The following PTPN12 variants were observed in gnomAD, a reference collection of about 807,000 sequenced individuals.
PTPN12 encodes protein tyrosine phosphatase non-receptor type 12.
PTPN12 carries 29 observed loss-of-function variants against 97.6 expected under a neutral mutation model. The observed-to-expected ratio is 0.30, with a 90% confidence interval of 0.22 to 0.41. PTPN12 has a LOEUF of 0.41. Ranked by LOEUF, PTPN12 falls within the 10% of genes least tolerant of loss-of-function variation. The pLI is 1.00. For missense variants in PTPN12, 819 were observed against 926.0 expected (o/e 0.88, Z 1.50); for synonymous variants, 327 against 300.4 (o/e 1.09, Z -0.91).
intron 4 of PTPN12, among the ~76,000 whole-genome samples, chr7:77,584,893 A>G (rs888618920): frequency 6.6e-6 from 1 of 151,910 alleles, no homozygotes; most frequent in Non-Finnish European, 1.5e-5. Context: ...AAAAAAAAAA[A>G]TTTATTGTGT....
chr7:77,619,511 G>T (rs1165021949), intron 12 of PTPN12, among the ~76,000 whole-genome samples: 1 of 152,172 alleles, frequency 6.6e-6, no homozygotes, highest in African/African-American at 2.4e-5. Flanking sequence ...TTTTGACCAT[G>T]CAAGATTCTA....
At chr7:77,602,044 C>T (rs1013578510) in intron 8 of PTPN12, among the ~76,000 whole-genome samples, 4 of 151,992 alleles carry the variant, frequency 2.6e-5, no homozygotes, top group Admixed American at 2.6e-4. Context: ...TTCATTTATT[C>T]AAATAATATT....
chr7:77,629,371 T>A (rs1385628669), intron 13 of PTPN12, among the ~76,000 whole-genome samples: 2 of 152,236 alleles, frequency 1.3e-5, no homozygotes, highest in Non-Finnish European at 2.9e-5. Context: ...CAGTTTACCA[T>A]AATTTTAAAT....
chr7:77,627,421 T>G lies in PTPN12; in HGVS notation c.1742T>G (p.Leu581Arg), dbSNP rs1165808849. The G allele has an allele frequency of 6.2e-7, 1 of 1,614,002 alleles. No homozygotes were observed. The highest frequency in any genetic ancestry group is 8.5e-7 in the Non-Finnish European group (1 of 1,179,994). The change falls in exon 13 of 18, where the codon CTT becomes CGT. Residue 581 changes from leucine (L) to arginine (R), a missense_variant. Coordinates refer to ENST00000248594, the MANE Select transcript of PTPN12 (RefSeq NM_002835.4). ...ACAACACAAGTTGAAACACCTGATC[T>G]TGTGGATCATGATAACACTTCACCA... ...SPTTQVETPD[L>R]VDHDNTSPLF... is the part of the protein sequence containing the mutation.
chr7:77,624,565 G>A (rs1385665130), intron 12 of PTPN12, among the ~76,000 whole-genome samples: 1 of 151,886 alleles, frequency 6.6e-6, no homozygotes, highest in African/African-American at 2.4e-5. Context: ...TCAGCTTCCT[G>A]AGTAGCTGGG....
At chr7:77,600,945 T>C in intron 8 of PTPN12, 139 bp downstream of exon 8, 1 of 703,354 alleles carries the variant, frequency 1.4e-6, no homozygotes, top group Non-Finnish European at 2.3e-6. Flanking sequence ...GCCTTGTAAG[T>C]TGATGTGGTC....
chr7:77,608,214 G>A (rs1333406253), intron 9 of PTPN12, among the ~76,000 whole-genome samples: 2 of 152,182 alleles, frequency 1.3e-5, no homozygotes, highest in Non-Finnish European at 2.9e-5. Flanking sequence ...TGGGATCTTG[G>A]TCAAAATACT....
Position 77,638,745 on chromosome 7 carries a change from T to G in PTPN12, c.2281+14T>G. The G allele has an allele frequency of 6.3e-7, 1 of 1,589,962 alleles. No individual in the cohort carries two copies. Among genetic ancestry groups the G allele is most frequent in the Non-Finnish European group, 8.5e-7 (1 of 1,172,772 alleles). On this transcript the variant is annotated intron_variant, in intron 17 of 17. Coordinates refer to ENST00000248594, the MANE Select transcript of PTPN12 (RefSeq NM_002835.4). ...CCACAGATATTGGTAATTTGTTTAA[T>G]AAATAATTTTTAGTAAGTAGTTAAC...
intron 6 of PTPN12, among the ~76,000 whole-genome samples, chr7:77,594,357 A>G (rs906002424): frequency 1.1e-4 from 17 of 152,140 alleles, no homozygotes; most frequent in Non-Finnish European, 2.4e-4. Context: ...ATAATACCCA[A>G]TACACACCAC....
chr7:77,575,372 C>T lies in PTPN12; in HGVS notation c.208+4186C>T, dbSNP rs1418573138. 7.2e-5 allele frequency among the ~76,000 whole-genome samples: 11 copies of T among 151,964 alleles called. No individual in the cohort carries two copies. The South Asian group carries it at 8.3e-4, about 11-fold the overall frequency. On this transcript the variant is annotated intron_variant, in intron 2 of 17. Transcript: ENST00000248594. ...ACACATACTCTCTCTTTCTCTCTCT[C>T]GTGTGTACACTTGTGGTCCCAGCTA...
chr7:77,557,129 T>C (rs560016231), intron 1 of PTPN12, among the ~76,000 whole-genome samples: 34 of 152,142 alleles, frequency 2.2e-4, no homozygotes, highest in African/African-American at 4.8e-4. Context: ...ACCACACTTA[T>C]CTATTTTTAA....
At chr7:77,611,103 TA>T in intron 11 of PTPN12, 57 bp downstream of exon 11, 1 of 1,347,460 alleles carries the variant, frequency 7.4e-7, no homozygotes, top group Admixed American at 2.0e-5. Flanking sequence ...TAAGATGTAA[TA>T]TTTAGCCTTT....
intron 1 of PTPN12, among the ~76,000 whole-genome samples, chr7:77,551,936 C>A (rs902136832): frequency 1.3e-4 from 20 of 152,092 alleles, no homozygotes; most frequent in Non-Finnish European, 2.4e-4. Flanking sequence ...TTTCTGAAGA[C>A]CCCTTGTATG....
chr7:77,604,962 C>G, intron 8 of PTPN12: 1 of 348,044 alleles, frequency 2.9e-6, no homozygotes, highest in Non-Finnish European at 5.9e-6. Flanking sequence ...GTACTCAGAT[C>G]TGTTCCTGAA....
intron 1 of PTPN12, among the ~76,000 whole-genome samples, chr7:77,543,888 A>G (rs941573348): frequency 2.0e-5 from 3 of 152,212 alleles, no homozygotes; most frequent in Non-Finnish European, 2.9e-5. Context: ...TTGTATAGAT[A>G]CCACATTTTG....
At chr7:77,571,997 A>G (rs1401621986) in intron 2 of PTPN12, among the ~76,000 whole-genome samples, 2 of 152,094 alleles carry the variant, frequency 1.3e-5, no homozygotes, top group Non-Finnish European at 2.9e-5. Context: ...TTCTTTCTTC[A>G]TAAGTATTTT....
At chr7:77,607,334 T>C (rs750662339) in intron 9 of PTPN12, 33 bp downstream of exon 9, 14 of 1,417,994 alleles carry the variant, frequency 9.9e-6, no homozygotes, top group Admixed American at 3.4e-5. Flanking sequence ...TTATGTTCAA[T>C]TGATCTATTA....
In PTPN12 at chr7:77,537,550, G is replaced by A. The variant is rs749891128; in HGVS notation, c.4G>A (p.Glu2Lys). 1 of 1,595,258 alleles carries A rather than the reference G, an allele frequency of 6.3e-7. No individual in the cohort carries two copies. Among genetic ancestry groups the A allele is most frequent in the South Asian group, 1.1e-5 (1 of 88,514 alleles). The part of the protein sequence containing the change: M[E>K]QVEILRKFIQ... ...GCAGCCGGGGGGACGCGGGAGGATGGAGCAAGTGGAGATCCTGAGGAAATT... is the reference window on the plus strand; with the variant it reads ...GCAGCCGGGGGGACGCGGGAGGATGAAGCAAGTGGAGATCCTGAGGAAATT... The change falls in exon 1 of 18, where the codon GAG (glutamate) becomes AAG (lysine). Residue 2 changes from glutamate to lysine, a missense_variant. Coordinates refer to ENST00000248594, the MANE Select transcript of PTPN12 (RefSeq NM_002835.4).
intron 7 of PTPN12, among the ~76,000 whole-genome samples, chr7:77,598,928 A>G (rs1011563533): frequency 2.6e-5 from 4 of 151,152 alleles, no homozygotes. Context: ...TTGTCTTTGC[A>G]AACTAATCAA....
Sources: gnomAD v4.1 joint callset for allele counts (sites outside exome capture counted in the v4.1 genomes callset) on GRCh38, gnomAD v4.1.1 for gene constraint, MANE v1.5 for transcripts, NCBI Gene and HGNC (gene_info 2026-07-23, HGNC 2026-07-21) for gene names.